Variants in ZNF532 observed in about 807,000 individuals in gnomAD.
The protein encoded by ZNF532 is zinc finger protein 532.
ZNF532 carries 22 observed loss-of-function variants against 89.3 expected under a neutral mutation model. The ratio of observed to expected loss-of-function variants is 0.25; its 90% CI spans 0.18 to 0.35. The LOEUF (loss-of-function observed/expected upper bound fraction) is 0.35. ZNF532 is among the 10% of genes least tolerant of loss of function. The pLI is 1.00. For missense variants in ZNF532, 1,132 were observed against 1,643.4 expected (o/e 0.69, Z 5.38); for synonymous variants, 606 against 649.6 (o/e 0.93, Z 1.02).
chr18:58,973,022 C>T (rs1292423454), intron 7 of ZNF532, among the ~76,000 whole-genome samples: 1 of 152,126 alleles, frequency 6.6e-6, no homozygotes, highest in African/African-American at 2.4e-5. Context: ...AATTAAAAAA[C>T]AACAAAACTT....
chr18:58,971,661 G>A (rs1398495135), intron 7 of ZNF532, among the ~76,000 whole-genome samples: 2 of 152,154 alleles, frequency 1.3e-5, no homozygotes, highest in Non-Finnish European at 2.9e-5. Flanking sequence ...GCTGGTGTGG[G>A]AAACTCCCTT....
At position 58,920,602 on chromosome 18, in the gene ZNF532, A is replaced by G; in HGVS notation, c.2315A>G (p.His772Arg). The part of the protein sequence containing the change: ...VFQDETSLAT[H>R]FQQAADTSGQ... Reference sequence around the variant, plus strand: ...CAGGACGAGACATCACTGGCTACACATTTCCAGCAGGCTGCAGATACGAGT... The same window carrying G: ...CAGGACGAGACATCACTGGCTACACGTTTCCAGCAGGCTGCAGATACGAGT... The change falls in exon 3 of 10, where the codon CAT becomes CGT. Residue 772 changes from histidine (H) to arginine (R), a missense_variant. This residue lies in a region of ZNF532 where 100 missense variants were observed against 122.0 expected (regional missense o/e 0.82). Coordinates refer to ENST00000591808, the MANE Select transcript of ZNF532 (RefSeq NM_001375912.1). 1.3e-6 allele frequency: 2 copies of G among 1,596,778 alleles called. No individual in the cohort carries two copies. The highest frequency in any genetic ancestry group is 1.7e-6 in the Non-Finnish European group (2 of 1,168,906).
At chr18:58,944,139 G>A (rs866369808) in intron 5 of ZNF532, among the ~76,000 whole-genome samples, 3 of 152,142 alleles carry the variant, frequency 2.0e-5, no homozygotes, top group African/African-American at 7.2e-5. Flanking sequence ...TGTATGACGC[G>A]GAGGGTGGTG....
At chr18:58,983,746 G>A (rs1000984294) in intron 9 of ZNF532, among the ~76,000 whole-genome samples, 2 of 64,870 alleles carry the variant, frequency 3.1e-5, no homozygotes, top group Non-Finnish European at 4.8e-5. Flanking sequence ...CCACTGTTGT[G>A]CCCCACTGGC....
rs1320912115 is a variant in ZNF532, at chr18:58,984,683, C to CT, written c.*222dup. ...AGTTTGTATATATTTAAATGAATAACTTTTTATACTCTTTGTTACATGTTT... is the reference window on the plus strand; with the variant it reads ...AGTTTGTATATATTTAAATGAATAACTTTTTTATACTCTTTGTTACATGTTT... On this transcript the variant is annotated 3_prime_UTR_variant, in exon 10 of 10. Transcript: ENST00000591808. 2.0e-5 allele frequency: 9 copies of CT among 452,492 alleles called. No individual in the cohort carries two copies. Among genetic ancestry groups the CT allele is most frequent in the Non-Finnish European group, 3.4e-5 (9 of 262,108 alleles). 28.0% of individuals were successfully genotyped at this position (452,492 alleles called of 1,614,324 possible).
At chr18:58,908,528 A>G (rs1160437557) in intron 2 of ZNF532, among the ~76,000 whole-genome samples, 1 of 152,244 alleles carries the variant, frequency 6.6e-6, no homozygotes, top group Non-Finnish European at 1.5e-5. Context: ...ACATAAGAGA[A>G]AAAAATAAAC....
intron 7 of ZNF532, among the ~76,000 whole-genome samples, chr18:58,978,726 T>C (rs1408030785): frequency 6.6e-6 from 1 of 152,254 alleles, no homozygotes; most frequent in Non-Finnish European, 1.5e-5. Flanking sequence ...AAATTTTAGA[T>C]GTTTTTGGAT....
chr18:58,919,711 C>T lies in ZNF532; in HGVS notation c.1424C>T (p.Thr475Met), dbSNP rs757545566. The stretch of plus-strand genomic sequence containing the variant: ...AATTTGAAGCTCGCTAACAACACCA[C>T]GGTGAAAGCCACGGTCATATCTGCT... ...VINLKLANNT[T>M]VKATVISAAS... Residue 475 changes from threonine (T) to methionine (M), a missense_variant, in exon 3 of 10, where the codon ACG (threonine) becomes ATG (methionine). Thr to Met is a moderately conservative substitution (Grantham distance 81). Coordinates refer to ENST00000591808, the MANE Select transcript of ZNF532 (RefSeq NM_001375912.1). This position sits in a 1 kb window ranked among gnomAD's most constrained non-coding sequence, Gnocchi z 6.1. The T allele has an allele frequency of 1.4e-5, 23 of 1,613,942 alleles. No individual in the cohort carries two copies. Among genetic ancestry groups the T allele is most frequent in the East Asian group, 2.2e-5 (1 of 44,868 alleles).
chr18:58,874,419 A>G (rs910616343), intron 2 of ZNF532, among the ~76,000 whole-genome samples: 24 of 152,198 alleles, frequency 1.6e-4, no homozygotes, highest in African/African-American at 5.5e-4. Context: ...ATCTCGCCTC[A>G]TCGCAACCCC....
intron 5 of ZNF532, among the ~76,000 whole-genome samples, chr18:58,947,451 C>T (rs2063763585): frequency 6.6e-6 from 1 of 152,146 alleles, no homozygotes; most frequent in African/African-American, 2.4e-5. Flanking sequence ...TATTTTAAGT[C>T]ATTTAAAGCG....
chr18:58,888,738 A>AAAT lies in ZNF532; in HGVS notation c.-18+23159_-18+23160insAAT, dbSNP rs1568245306. ...ATATATATATATAAATTATATATAT[A>AAAT]TATTTTATATATATATAAAATTAAT... is the stretch of plus-strand genomic sequence containing the variant. On this transcript the variant is annotated intron_variant, in intron 2 of 9. Coordinates refer to ENST00000591808, the MANE Select transcript of ZNF532 (RefSeq NM_001375912.1). 4.9e-3 allele frequency among the ~76,000 whole-genome samples: 252 copies of AAAT among 51,540 alleles called. 41 individuals are homozygous for AAAT. Among genetic ancestry groups the AAAT allele is most frequent in the Non-Finnish European group, 6.1e-3 (202 of 33,208 alleles). The allele number at this position is 51,540 out of a possible 152,430, so 33.8% of individuals were successfully genotyped here. A position where few individuals can be genotyped will look rare whatever the true frequency, so the allele number is the denominator to read the frequency against.
At chr18:58,887,705 G>C (rs902753902) in intron 2 of ZNF532, among the ~76,000 whole-genome samples, 3 of 152,168 alleles carry the variant, frequency 2.0e-5, no homozygotes, top group Non-Finnish European at 4.4e-5. Flanking sequence ...GCTCACAGGA[G>C]GGACCGTCAT....
intron 9 of ZNF532, among the ~76,000 whole-genome samples, chr18:58,983,322 G>C (rs1009359541): frequency 1.7e-4 from 26 of 152,190 alleles, no homozygotes; most frequent in Middle Eastern, 3.4e-3. Context: ...GGTGGGGAAA[G>C]CTTCCAGAGG....
intron 7 of ZNF532, among the ~76,000 whole-genome samples, chr18:58,973,758 T>A (rs2066727704): frequency 6.6e-6 from 1 of 152,110 alleles, no homozygotes; most frequent in Non-Finnish European, 1.5e-5. Flanking sequence ...ACTTGGCAAG[T>A]GAATAAACAC....
At chr18:58,963,767 A>T (rs1286202182) in intron 7 of ZNF532, among the ~76,000 whole-genome samples, 1 of 146,796 alleles carries the variant, frequency 6.8e-6, no homozygotes, top group Non-Finnish European at 1.5e-5. Context: ...GGCTGCAGTG[A>T]GCCGCAGTCG....
intron 2 of ZNF532, among the ~76,000 whole-genome samples, chr18:58,876,214 G>T (rs150177409): frequency 2.4e-4 from 36 of 152,148 alleles, no homozygotes; most frequent in African/African-American, 8.4e-4. Flanking sequence ...GATTACAGGC[G>T]TGAGCCACCG....
chr18:58,941,992 CT>C (rs35835786), intron 5 of ZNF532, among the ~76,000 whole-genome samples: 2,303 of 128,522 alleles, frequency 0.018, 36 homozygotes, highest in East Asian at 0.026. Context: ...CCCTCCTTCC[CT>C]TCCTTCCTTC....
At chr18:58,948,346 A>T in intron 6 of ZNF532, 117 bp downstream of exon 6, 1 of 1,081,072 alleles carries the variant, frequency 9.3e-7, no homozygotes, top group Non-Finnish European at 1.3e-6. Flanking sequence ...GAAGGGATGG[A>T]TGCTGGTCGT....
chr18:58,957,520 GATT>G (rs933103041), intron 7 of ZNF532, among the ~76,000 whole-genome samples: 8 of 151,214 alleles, frequency 5.3e-5, no homozygotes, highest in Non-Finnish European at 8.8e-5. Flanking sequence ...CTTCTAGTAT[GATT>G]ATTATTTTGA....
Sources: gnomAD v4.1 joint callset for allele counts (sites outside exome capture counted in the v4.1 genomes callset) on GRCh38, gnomAD v4.1.1 for gene constraint, gnomAD v4.1.1 regional missense constraint, Gnocchi (gnomAD v3.1) non-coding constraint, MANE v1.5 for transcripts, NCBI Gene and HGNC (gene_info 2026-07-23, HGNC 2026-07-21) for gene names.